DYSF: variants seen among roughly 807,000 people sequenced by gnomAD.
DYSF encodes dystrophy-associated fer-1-like 1.
DYSF carries 212 observed loss-of-function variants against 274.9 expected under a neutral mutation model. The observed-to-expected ratio is 0.77, with a 90% CI of 0.69 to 0.86. The LOEUF is 0.86. Among genes scored for constraint, DYSF ranks in the 40% least tolerant of loss-of-function variants. The pLI is 0.00. For synonymous variants in DYSF, 1,091 were observed against 1,078.7 expected (o/e 1.01, Z -0.22); for missense variants, 2,666 against 2,783.2 (o/e 0.96, Z 0.95).
chr2:71,612,943 C>A, intron 39 of DYSF, 137 bp downstream of exon 39: 2 of 1,191,144 alleles, frequency 1.7e-6, no homozygotes, highest in Non-Finnish European at 2.3e-6. Context: ...TCTGCTAGAC[C>A]ACAGGGTGGA....
At chr2:71,482,310 C>T (rs1438309031) in intron 3 of DYSF, among the ~76,000 whole-genome samples, 5 of 152,180 alleles carry the variant, frequency 3.3e-5, no homozygotes, top group East Asian at 1.9e-4. Flanking sequence ...CTCTCTTTCC[C>T]GGCCCAGCCC....
At chr2:71,459,765 C>A (rs1345460920) in intron 1 of DYSF, among the ~76,000 whole-genome samples, 4 of 152,142 alleles carry the variant, frequency 2.6e-5, no homozygotes, top group Non-Finnish European at 5.9e-5. Flanking sequence ...GGCCTGGGCT[C>A]TCTGGAGGGC....
At chr2:71,633,615 T>C (rs1435299275) in intron 41 of DYSF, among the ~76,000 whole-genome samples, 5 of 152,188 alleles carry the variant, frequency 3.3e-5, no homozygotes, top group Non-Finnish European at 7.3e-5. Flanking sequence ...AGAGGGAAAT[T>C]ACTTTCAGCA....
chr2:71,591,518 C>G (rs2093265451), intron 32 of DYSF, among the ~76,000 whole-genome samples: 1 of 152,242 alleles, frequency 6.6e-6, no homozygotes, highest in Admixed American at 6.5e-5. Context: ...TTCATGTAAC[C>G]CTTACAATTG....
At chr2:71,642,642 C>T (rs1008954085) in intron 41 of DYSF, among the ~76,000 whole-genome samples, 1 of 152,178 alleles carries the variant, frequency 6.6e-6, no homozygotes, top group African/African-American at 2.4e-5. Context: ...GATTCAGCCT[C>T]ACTCTGGTAC....
chr2:71,521,924 T>C (rs184984014), intron 12 of DYSF, among the ~76,000 whole-genome samples: 2 of 152,252 alleles, frequency 1.3e-5, no homozygotes, highest in Admixed American at 1.3e-4. Context: ...GAGGCAGAGC[T>C]GCACAGCGAT....
intron 13 of DYSF, 71 bp from the exon 14 acceptor site, chr2:71,528,227 A>G (rs2088195439): frequency 1.4e-6 from 2 of 1,384,168 alleles, no homozygotes; most frequent in East Asian, 4.6e-5. Context: ...GCCTGGAGAC[A>G]GATGGGGGAC....
intron 32 of DYSF, among the ~76,000 whole-genome samples, chr2:71,590,490 C>T (rs948735148): frequency 3.9e-5 from 6 of 152,160 alleles, no homozygotes; most frequent in African/African-American, 1.4e-4. Context: ...GATCAGGCTT[C>T]GCTGACTGTC....
chr2:71,658,765 C>A, intron 43 of DYSF, 113 bp from the exon 44 acceptor site: 2 of 1,377,202 alleles, frequency 1.5e-6, no homozygotes, highest in Non-Finnish European at 2.0e-6. Flanking sequence ...GTCCCTCCCA[C>A]AACATGTGGG....
In DYSF at chr2:71,656,231, C is replaced by G. The variant is rs1227092922; in HGVS notation, c.4696C>G (p.Leu1566Val). ...GLSDFCNTFK[L>V]YRGKTQEETE... ...GTCTGACTTTTGTAACACCTTCAAG[C>G]TGTACCGGGGCAAGACGCAGGAGGA... The change falls in exon 43 of 56, where the codon CTG becomes GTG. Residue 1566 changes from leucine (L) to valine (V), a missense_variant. Leu to Val is a conservative substitution (Grantham distance 32). Transcript: ENST00000410020. 6.2e-7 allele frequency: 1 copy of G among 1,614,182 alleles called. No individual in the cohort carries two copies. The highest frequency in any genetic ancestry group is 1.1e-5 in the South Asian group (1 of 91,080).
intron 4 of DYSF, 107 bp downstream of exon 4, chr2:71,503,426 C>T: frequency 8.5e-7 from 1 of 1,175,110 alleles, no homozygotes; most frequent in Non-Finnish European, 1.3e-6. Flanking sequence ...ACTTCAGCTC[C>T]CTTGAAGCAG....
intron 3 of DYSF, among the ~76,000 whole-genome samples, chr2:71,492,006 G>A (rs1049950255): frequency 3.9e-5 from 6 of 152,186 alleles, no homozygotes; most frequent in Non-Finnish European, 7.3e-5. Context: ...TTGGGAGGCT[G>A]TTTTGGGCAG....
chr2:71,551,082 T>C lies in DYSF; in HGVS notation c.1618T>C (p.Tyr540His), dbSNP rs777489323. The C allele has an allele frequency of 2.9e-5, 47 of 1,614,018 alleles. 2 individuals carry two copies. In the South Asian group the frequency reaches 4.9e-4, roughly 17 times the overall value. ...CTTCCTCCCCACTTTTGGGCCCTGCTACATCAACCTCTATGGCAGTCCCAG... is the reference window on the plus strand; with the variant it reads ...CTTCCTCCCCACTTTTGGGCCCTGCCACATCAACCTCTATGGCAGTCCCAG... ...LGFLPTFGPC[Y>H]INLYGSPREF... The change falls in exon 18 of 56, where the codon TAC becomes CAC. Residue 540 changes from tyrosine to histidine, a missense_variant. Coordinates refer to ENST00000410020, the MANE Select transcript of DYSF (RefSeq NM_001130987.2).
At chr2:71,573,070 TC>T (rs1025332545) in intron 29 of DYSF, among the ~76,000 whole-genome samples, 85 of 152,328 alleles carry the variant, frequency 5.6e-4, no homozygotes, top group African/African-American at 1.9e-3. Context: ...TGATCTTCCT[TC>T]CTAAACACAC....
chr2:71,547,772 T>C (rs80236801), intron 17 of DYSF, among the ~76,000 whole-genome samples: 1,702 of 152,162 alleles, frequency 0.011, 32 homozygotes, highest in African/African-American at 0.039. Flanking sequence ...AGATGGCCGA[T>C]GGGATTAGGG....
chr2:71,569,915 G>T lies in DYSF; in HGVS notation c.2960G>T (p.Ser987Ile). 6.2e-7 allele frequency: 1 copy of T among 1,614,100 alleles called. No homozygotes were observed. ...RLPGGQWIYM[S>I]DNYTDVNGEK... The stretch of plus-strand genomic sequence containing the variant: ...CCCGGAGGCCAGTGGATCTACATGA[G>T]TGACAACTACACCGATGTGGTAAAG... The change falls in exon 27 of 56, where the codon AGT becomes ATT. Residue 987 changes from serine (S) to isoleucine (I), a missense_variant. Ser to Ile is a moderately radical substitution (Grantham distance 142). Coordinates refer to ENST00000410020, the MANE Select transcript of DYSF (RefSeq NM_001130987.2).
At chr2:71,681,835 A>G (rs1201759017) in intron 54 of DYSF, among the ~76,000 whole-genome samples, 1 of 152,230 alleles carries the variant, frequency 6.6e-6, no homozygotes, top group Non-Finnish European at 1.5e-5. Context: ...GTTAGTCACC[A>G]TGCTGTGATT....
intron 3 of DYSF, among the ~76,000 whole-genome samples, chr2:71,487,394 C>T (rs937114443): frequency 6.6e-6 from 1 of 151,948 alleles, no homozygotes; most frequent in Non-Finnish European, 1.5e-5. Context: ...GCTGATTAAA[C>T]AAGAACCTCT....
intron 30 of DYSF, among the ~76,000 whole-genome samples, chr2:71,579,002 G>A (rs62145893): frequency 0.034 from 5,226 of 152,258 alleles, 139 homozygotes; most frequent in Middle Eastern, 0.051. Context: ...AAAGACACCG[G>A]GTTTCATAAT....
Sources: allele counts gnomAD v4.1 joint callset (sites outside exome capture counted in the v4.1 genomes callset), GRCh38; gene constraint gnomAD v4.1.1; transcripts MANE v1.5; gene names NCBI Gene and HGNC (gene_info 2026-07-23, HGNC 2026-07-21).